CTNNA1: variants seen among roughly 807,000 people sequenced by gnomAD.
CTNNA1 encodes the protein catenin alpha-1.
A neutral mutation model predicts 98.4 loss-of-function variants in CTNNA1; 37 were observed. That is an observed-to-expected ratio of 0.38 (90% CI 0.29 to 0.49). The LOEUF (loss-of-function observed/expected upper bound fraction) is 0.49. CTNNA1 is among the 20% of genes least tolerant of loss of function. CTNNA1 has a pLI of 0.95. For missense variants in CTNNA1, 761 were observed against 1,147.2 expected, an observed-to-expected ratio of 0.66 and a Z score of 4.86; for synonymous variants, 404 against 413.2, an observed-to-expected ratio of 0.98 and a Z score of 0.27.
At chr5:138,925,140 A>T (rs1197741329) in intron 12 of CTNNA1, 116 bp from the exon 13 acceptor site, 1 of 1,104,562 alleles carries the variant, frequency 9.1e-7, no homozygotes, top group African/African-American at 1.6e-5. Context: ...ACACAGGTAG[A>T]AGCAGAGGCT....
intron 3 of CTNNA1, among the ~76,000 whole-genome samples, chr5:138,802,347 A>G (rs1757665301): frequency 6.6e-6 from 1 of 152,044 alleles, no homozygotes; most frequent in Non-Finnish European, 1.5e-5. Flanking sequence ...TTTAATTTTT[A>G]TTTTGTAGAG....
intron 13 of CTNNA1, among the ~76,000 whole-genome samples, chr5:138,926,952 C>T (rs926981538): frequency 2.0e-5 from 3 of 152,186 alleles, no homozygotes; most frequent in Non-Finnish European, 4.4e-5. Context: ...ATAGTGACTC[C>T]GTCTTCCCTT....
intron 3 of CTNNA1, among the ~76,000 whole-genome samples, chr5:138,801,243 G>T (rs1169331760): frequency 2.6e-5 from 4 of 152,156 alleles, no homozygotes; most frequent in African/African-American, 4.8e-5. Context: ...TATTTCCCTT[G>T]ACTGCGAATG....
At chr5:138,850,376 GCTT>G in intron 7 of CTNNA1, among the ~76,000 whole-genome samples, 1 of 152,202 alleles carries the variant, frequency 6.6e-6, no homozygotes, top group East Asian at 1.9e-4. Flanking sequence ...AATCACTTTG[GCTT>G]CTTTCATGTT....
intron 3 of CTNNA1, among the ~76,000 whole-genome samples, chr5:138,797,716 G>A (rs910782926): frequency 5.9e-5 from 9 of 152,050 alleles, no homozygotes; most frequent in Non-Finnish European, 7.4e-5. Flanking sequence ...GAGCCATTAC[G>A]TTGTGGTTGG....
chr5:138,837,663 C>T (rs1301195607), intron 7 of CTNNA1, among the ~76,000 whole-genome samples: 3 of 151,408 alleles, frequency 2.0e-5, no homozygotes, highest in African/African-American at 7.3e-5. Context: ...TTCTGCCACC[C>T]AGGCTGGGAC....
intron 7 of CTNNA1, chr5:138,872,645 C>A (rs778488439): frequency 2.4e-4 from 40 of 167,412 alleles, no homozygotes; most frequent in Non-Finnish European, 4.0e-4. Context: ...AGGTATTGAT[C>A]TATATCTGTT....
intron 5 of CTNNA1, among the ~76,000 whole-genome samples, chr5:138,822,305 G>C (rs940974159): frequency 2.0e-5 from 3 of 152,200 alleles, no homozygotes; most frequent in African/African-American, 4.8e-5. Context: ...TGGAAAAGTA[G>C]AAGTTGGTAA....
At chr5:138,893,558 T>C (rs1355406769) in intron 9 of CTNNA1, among the ~76,000 whole-genome samples, 1 of 151,894 alleles carries the variant, frequency 6.6e-6, no homozygotes, top group East Asian at 1.9e-4. Context: ...TCTCCTTTTA[T>C]CCAACCTGAT....
chr5:138,877,575 G>A (rs1408985695), intron 7 of CTNNA1, among the ~76,000 whole-genome samples: 7 of 151,798 alleles, frequency 4.6e-5, no homozygotes, highest in African/African-American at 4.8e-5. Flanking sequence ...AGCCTCCTGA[G>A]TAGCTGGGAC....
At chr5:138,811,536 ACT>A (rs1457254486) in intron 4 of CTNNA1, among the ~76,000 whole-genome samples, 4 of 150,688 alleles carry the variant, frequency 2.7e-5, no homozygotes, top group African/African-American at 7.3e-5. Flanking sequence ...CAGAGGCTGC[ACT>A]CTCGGCGCTT....
intron 3 of CTNNA1, among the ~76,000 whole-genome samples, chr5:138,806,221 A>G (rs958881786): frequency 4.6e-5 from 7 of 152,050 alleles, no homozygotes; most frequent in Admixed American, 4.6e-4. Context: ...CTATGTTTAC[A>G]TTTGTTTTGG....
At chr5:138,790,435 T>G (rs1358022985) in intron 3 of CTNNA1, among the ~76,000 whole-genome samples, 1 of 152,242 alleles carries the variant, frequency 6.6e-6, no homozygotes, top group Non-Finnish European at 1.5e-5. Flanking sequence ...CCTTATTTTG[T>G]GTTCATTAAT....
At chr5:138,866,188 G>A (rs1012856529) in intron 7 of CTNNA1, among the ~76,000 whole-genome samples, 1 of 151,868 alleles carries the variant, frequency 6.6e-6, no homozygotes, top group Admixed American at 6.6e-5. Context: ...ACCCGGTCTG[G>A]AAATAATTAA....
At chr5:138,783,077 A>C in intron 2 of CTNNA1, 100 bp from the exon 3 acceptor site, 1 of 878,414 alleles carries the variant, frequency 1.1e-6, no homozygotes, top group Non-Finnish European at 1.7e-6. Flanking sequence ...GTGGAATCTC[A>C]TGTGATTTTT....
chr5:138,814,666 A>G (rs976474116), intron 5 of CTNNA1, among the ~76,000 whole-genome samples: 1 of 152,252 alleles, frequency 6.6e-6, no homozygotes, highest in African/African-American at 2.4e-5. Flanking sequence ...TGGTTTATGA[A>G]GACTGACTGT....
At position 138,753,463 on chromosome 5, in the gene CTNNA1, C is replaced by G. The variant is rs935824136; in HGVS notation, c.-50C>G. On this transcript the variant is annotated 5_prime_UTR_variant, in exon 1 of 18. Transcript: ENST00000302763. ...GACTGGAGGGAGACAAAGCAGCGCCCGTCTGCTTCGGGCCTCTGGAATTTA... is the reference window on the plus strand; with the variant it reads ...GACTGGAGGGAGACAAAGCAGCGCCGGTCTGCTTCGGGCCTCTGGAATTTA... The G allele has an allele frequency of 5.3e-6, 2 of 377,906 alleles. No homozygotes were observed. Among genetic ancestry groups the G allele is most frequent in the African/African-American group, 2.1e-5 (1 of 47,490 alleles). 23.4% of individuals were successfully genotyped at this position (377,906 alleles called of 1,614,324 possible). A position where few individuals can be genotyped will look rare whatever the true frequency, so the allele number is the denominator to read the frequency against.
intron 1 of CTNNA1, among the ~76,000 whole-genome samples, chr5:138,760,364 AT>A: frequency 9.0e-6 from 1 of 111,366 alleles, no homozygotes; most frequent in East Asian, 3.6e-4. Context: ...TTGTTTATCC[AT>A]TCATACTTTT....
At chr5:138,777,834 AGT>A (rs1404132242) in intron 1 of CTNNA1, among the ~76,000 whole-genome samples, 1 of 144,678 alleles carries the variant, frequency 6.9e-6, no homozygotes, top group African/African-American at 2.6e-5. Flanking sequence ...GCTCGGCATC[AGT>A]GGGAGACCGT....
Sources: gnomAD v4.1 joint callset for allele counts (sites outside exome capture counted in the v4.1 genomes callset) on GRCh38, gnomAD v4.1.1 for gene constraint, MANE v1.5 for transcripts, NCBI Gene and HGNC (gene_info 2026-07-23, HGNC 2026-07-21) for gene names.